The following PRICKLE1 variants were observed in gnomAD, a reference collection of about 807,000 sequenced individuals.
PRICKLE1 encodes the protein prickle planar cell polarity protein 1.
In PRICKLE1, 14 loss-of-function variants were observed where a neutral mutation model predicts 70.2. The ratio of observed to expected loss-of-function variants is 0.20; its 90% CI spans 0.13 to 0.31. PRICKLE1 has a LOEUF of 0.31. Among genes scored for constraint, PRICKLE1 ranks in the 10% least tolerant of loss-of-function variants. The pLI is 1.00. For missense variants in PRICKLE1, 821 were observed against 1,026.2 expected, an observed-to-expected ratio of 0.80 and a Z score of 2.73; for synonymous variants, 357 against 379.9, an observed-to-expected ratio of 0.94 and a Z score of 0.70.
chr12:42,499,023 A>T (rs188676988), intron 1 of PRICKLE1, among the ~76,000 whole-genome samples: 133 of 152,308 alleles, frequency 8.7e-4, no homozygotes, highest in African/African-American at 3.1e-3. Flanking sequence ...CATTTTTCAC[A>T]TACAGTGTGA....
intron 1 of PRICKLE1, among the ~76,000 whole-genome samples, chr12:42,477,488 A>ATG (rs1938609717): frequency 1.6e-4 from 1 of 6,086 alleles, no homozygotes; most frequent in Non-Finnish European, 2.8e-4. Context: ...GTGTGTATAT[A>ATG]TATATATATA....
At chr12:42,536,602 T>C (rs1395186688) in intron 1 of PRICKLE1, among the ~76,000 whole-genome samples, 1 of 152,196 alleles carries the variant, frequency 6.6e-6, no homozygotes, top group East Asian at 1.9e-4. Context: ...TTTTCTTTGG[T>C]TCCTGCTACA....
chr12:42,553,276 C>T (rs903397980), intron 1 of PRICKLE1, among the ~76,000 whole-genome samples: 1 of 151,840 alleles, frequency 6.6e-6, no homozygotes, highest in Non-Finnish European at 1.5e-5. Context: ...AACCCTGTCT[C>T]TACTAAAAAT....
chr12:42,541,943 G>C (rs570834917), intron 1 of PRICKLE1, among the ~76,000 whole-genome samples: 1 of 152,172 alleles, frequency 6.6e-6, no homozygotes, highest in South Asian at 2.1e-4. Context: ...GAAGAGAAAC[G>C]GGCTTGCAAC....
intron 1 of PRICKLE1, among the ~76,000 whole-genome samples, chr12:42,473,998 G>A (rs1441655553): frequency 6.6e-6 from 1 of 152,190 alleles, no homozygotes; most frequent in Non-Finnish European, 1.5e-5. Flanking sequence ...TATTGGCCGG[G>A]CGTGGTAGCT....
At chr12:42,586,290 G>A (rs1940986107) in intron 1 of PRICKLE1, among the ~76,000 whole-genome samples, 2 of 152,128 alleles carry the variant, frequency 1.3e-5, no homozygotes, top group Admixed American at 1.3e-4. Context: ...AGATGAGAGA[G>A]ACAGCTATTT....
chr12:42,494,221 G>A (rs975729420), intron 1 of PRICKLE1, among the ~76,000 whole-genome samples: 2 of 152,232 alleles, frequency 1.3e-5, no homozygotes, highest in African/African-American at 4.8e-5. Flanking sequence ...AGTTGGTAAA[G>A]GTTGGGATGA....
At chr12:42,567,118 C>T (rs1178059405) in intron 1 of PRICKLE1, among the ~76,000 whole-genome samples, 16 of 152,172 alleles carry the variant, frequency 1.1e-4, no homozygotes, top group Admixed American at 3.9e-4. Flanking sequence ...AAGCTCCTTA[C>T]GCCAAGTATA....
At chr12:42,546,373 C>T (rs562787847) in intron 1 of PRICKLE1, among the ~76,000 whole-genome samples, 1 of 152,322 alleles carries the variant, frequency 6.6e-6, no homozygotes, top group African/African-American at 2.4e-5. Flanking sequence ...AACAGATTCA[C>T]ACAATGGAAG....
chr12:42,547,374 G>C (rs938836214), intron 1 of PRICKLE1, among the ~76,000 whole-genome samples: 3 of 152,156 alleles, frequency 2.0e-5, no homozygotes, highest in Non-Finnish European at 2.9e-5. Context: ...GCTAGCAAAA[G>C]GTATTCATGA....
In PRICKLE1 at chr12:42,464,343, A is replaced by C. The variant is rs1937988957; in HGVS notation, c.1639+52T>G. 1.9e-6 allele frequency: 3 copies of C among 1,612,242 alleles called. No homozygotes were observed. Among genetic ancestry groups the C allele is most frequent in the Non-Finnish European group, 2.5e-6 (3 of 1,178,702 alleles). The stretch of plus-strand genomic sequence containing the variant: ...GCTTGAATTGCAATTTTTTGAATAC[A>C]CTTTTTAGTAGCTCCTTTTTTCAAA... On this transcript the variant is annotated intron_variant, in intron 7 of 7. Coordinates refer to ENST00000345127, the MANE Select transcript of PRICKLE1 (RefSeq NM_153026.3). The surrounding 1 kb of genome is among the most constrained non-coding windows in gnomAD (Gnocchi z 4.2).
chr12:42,576,837 A>G (rs1168367073), intron 1 of PRICKLE1, among the ~76,000 whole-genome samples: 1 of 152,206 alleles, frequency 6.6e-6, no homozygotes, highest in Non-Finnish European at 1.5e-5. Context: ...GAGTGATTTA[A>G]TTAATTACAA....
At chr12:42,515,614 A>G (rs1023489708) in intron 1 of PRICKLE1, among the ~76,000 whole-genome samples, 9 of 152,210 alleles carry the variant, frequency 5.9e-5, no homozygotes, top group African/African-American at 2.2e-4. Flanking sequence ...GAAAGCTTAC[A>G]TATCTGAAAA....
At chr12:42,582,536 CAT>C (rs1940919592) in intron 1 of PRICKLE1, among the ~76,000 whole-genome samples, 1 of 152,202 alleles carries the variant, frequency 6.6e-6, no homozygotes, top group Non-Finnish European at 1.5e-5. Flanking sequence ...ATATTAATTT[CAT>C]AGTCACAGAA....
rs751356719 is a variant in PRICKLE1, at chr12:42,469,593, C to T, written c.247-6G>A. Reference sequence around the variant, plus strand: ...AAAGACTGGCAATACCGTACCTTCACAGAAAGCAAAACAGAAACACCACAC... The same window carrying T: ...AAAGACTGGCAATACCGTACCTTCATAGAAAGCAAAACAGAAACACCACAC... On this transcript the variant is annotated splice_region_variant and splice_polypyrimidine_tract_variant and intron_variant, in intron 3 of 7. Transcript: ENST00000345127. The T allele has an allele frequency of 6.2e-7, 1 of 1,614,026 alleles. No individual in the cohort carries two copies. The highest frequency in any genetic ancestry group is 8.5e-7 in the Non-Finnish European group (1 of 1,180,026).
chr12:42,488,165 T>C (rs1939022735), intron 1 of PRICKLE1, among the ~76,000 whole-genome samples: 1 of 152,192 alleles, frequency 6.6e-6, no homozygotes, highest in African/African-American at 2.4e-5. Context: ...CCCCTGTTGT[T>C]CCAAGGCAGC....
intron 1 of PRICKLE1, among the ~76,000 whole-genome samples, chr12:42,522,195 C>T (rs1030893414): frequency 2.2e-4 from 34 of 151,958 alleles, no homozygotes; most frequent in Admixed American, 1.2e-3. Context: ...AGGCTGGTCT[C>T]GAACACCAGA....
chr12:42,569,987 A>G (rs895813100), intron 1 of PRICKLE1, among the ~76,000 whole-genome samples: 6 of 152,246 alleles, frequency 3.9e-5, no homozygotes, highest in Non-Finnish European at 1.5e-5. Flanking sequence ...TTCGAAATCA[A>G]TGTCCCAGCG....
intron 7 of PRICKLE1, 131 bp from the exon 8 acceptor site, chr12:42,460,796 G>A: frequency 9.5e-7 from 1 of 1,047,758 alleles, no homozygotes; most frequent in Non-Finnish European, 1.4e-6. Flanking sequence ...AACCCATAGG[G>A]AAAGCCAACA....
Sources: gnomAD v4.1 joint callset for allele counts (sites outside exome capture counted in the v4.1 genomes callset) on GRCh38, gnomAD v4.1.1 for gene constraint, Gnocchi (gnomAD v3.1) non-coding constraint, MANE v1.5 for transcripts, NCBI Gene and HGNC (gene_info 2026-07-23, HGNC 2026-07-21) for gene names.